GJC1: variants seen among roughly 807,000 people sequenced by gnomAD.
GJC1 encodes gap junction protein gamma 1.
In GJC1, 5 loss-of-function variants were observed where a neutral mutation model predicts 29.3. That is an observed-to-expected ratio of 0.17 (90% CI 0.09 to 0.36). The LOEUF is 0.36. Among genes scored for constraint, GJC1 ranks in the 10% least tolerant of loss-of-function variants. The pLI is 1.00. For synonymous variants in GJC1, 177 were observed against 183.3 expected (o/e 0.97, Z 0.28); for missense variants, 310 against 496.2 (o/e 0.62, Z 3.56).
rs997845649 is a variant in GJC1, at chr17:44,830,236, TGCCGCC to T, written c.-277_-272del. On this transcript the variant is annotated 5_prime_UTR_variant, in exon 1 of 3. Transcript: ENST00000592524. The surrounding 1 kb of genome is among the most constrained non-coding windows in gnomAD (Gnocchi z 4.3). ...CCGAGGCAGAAGCCGCTCCCGCCGCTGCCGCCGCCGCCGCCGCCTCCCGCTCCCGCC... is the reference window on the plus strand; with the variant it reads ...CCGAGGCAGAAGCCGCTCCCGCCGCTGCCGCCGCCGCCTCCCGCTCCCGCC... 8.1e-5 allele frequency: 13 copies of T among 160,608 alleles called. No individual in the cohort carries two copies. Among genetic ancestry groups the T allele is most frequent in the East Asian group, 1.8e-4 (1 of 5,532 alleles). 9.9% of individuals were successfully genotyped at this position (160,608 alleles called of 1,614,324 possible).
downstream of GJC1, chr17:44,794,861 T>TC (rs1230067722): frequency 6.6e-6 from 1 of 152,218 alleles, no homozygotes; most frequent in East Asian, 1.9e-4. Flanking sequence ...AGTCGGCAGT[T>TC]CTTTCCTCCA....
At chr17:44,829,572 G>A (rs1024821790) in intron 1 of GJC1, 1 of 152,178 alleles carries the variant, frequency 6.6e-6, no homozygotes, top group Non-Finnish European at 1.5e-5. Flanking sequence ...CCTCAGACGA[G>A]CCCGCACGCC....
chr17:44,818,581 G>A (rs2050070007), intron 1 of GJC1, among the ~76,000 whole-genome samples: 3 of 148,036 alleles, frequency 2.0e-5, no homozygotes, highest in South Asian at 2.2e-4. Context: ...TGAGGCGGGC[G>A]GATCCCAAGG....
intron 1 of GJC1, among the ~76,000 whole-genome samples, chr17:44,820,744 C>T (rs1212962337): frequency 1.5e-4 from 23 of 152,114 alleles, no homozygotes; most frequent in Admixed American, 1.4e-3. Context: ...CCCCTGAACG[C>T]GACTGCTTTA....
At chr17:44,814,302 G>A (rs1011425506) in intron 1 of GJC1, among the ~76,000 whole-genome samples, 4 of 151,512 alleles carry the variant, frequency 2.6e-5, no homozygotes, top group Admixed American at 6.6e-5. Context: ...CACCACGCCC[G>A]GCTAATTTTT....
intron 1 of GJC1, among the ~76,000 whole-genome samples, chr17:44,816,517 T>C (rs993953117): frequency 1.3e-5 from 2 of 152,154 alleles, no homozygotes; most frequent in Non-Finnish European, 1.5e-5. Flanking sequence ...TTTTTGGTTT[T>C]CTGAGACAGA....
rs1469214146 is a variant in GJC1 at position 44,805,618 on chromosome 17, G to A, written c.200C>T (p.Ala67Val). ...QPGCENVCYD[A>V]FAPLSHVRFW... Reference sequence around the variant, plus strand: ...GCGTACATGGGAGAGAGGTGCAAACGCATCATAACAGACATTCTCACAGCC... The same window carrying A: ...GCGTACATGGGAGAGAGGTGCAAACACATCATAACAGACATTCTCACAGCC... Residue 67 changes from alanine (A) to valine (V), a missense_variant, in exon 3 of 3, where the codon GCG becomes GTG. By Grantham distance (64) the Ala-to-Val change is moderately conservative (BLOSUM62 0). This residue lies in a region of GJC1 where 37 missense variants were observed against 104.2 expected (regional missense o/e 0.35). Transcript: ENST00000592524. This position sits in a 1 kb window ranked among gnomAD's most constrained non-coding sequence, Gnocchi z 5.1. 6.2e-6 allele frequency: 10 copies of A among 1,614,008 alleles called. No individual in the cohort carries two copies. The highest frequency in any genetic ancestry group is 2.7e-5 in the African/African-American group (2 of 74,914).
At position 44,798,510 on chromosome 17, in the gene GJC1, C is replaced by G. The variant is rs1456555030; in HGVS notation, c.*6117G>C. The G allele has an allele frequency of 6.6e-6, 1 of 152,214 alleles. No individual in the cohort carries two copies. The highest frequency in any genetic ancestry group is 1.9e-4 in the East Asian group (1 of 5,200). The allele number at this position is 152,214 out of a possible 1,614,324, so 9.4% of individuals were successfully genotyped here. On this transcript the variant is annotated 3_prime_UTR_variant, in exon 3 of 3. Transcript: ENST00000592524. ...TCCTAGAGACAAGGCCCTGAGCACA[C>G]AGAGTCCGTCTCCACCATGAAAATA...
chr17:44,802,027 A>T lies in GJC1; in HGVS notation c.*2600T>A, dbSNP rs541493330. ...GTTAGAGCTGGAAAATTCTTGACAT[A>T]ATTACAACTTTAGCAAGAGAATAAA... is the stretch of plus-strand genomic sequence containing the variant. On this transcript the variant is annotated 3_prime_UTR_variant, in exon 3 of 3. Transcript: ENST00000592524. The T allele has an allele frequency of 6.6e-6, 1 of 152,204 alleles. No individual in the cohort carries two copies. Among genetic ancestry groups the T allele is most frequent in the African/African-American group, 2.4e-5 (1 of 41,450 alleles). The allele number at this position is 152,204 out of a possible 1,614,324, so 9.4% of individuals were successfully genotyped here.
At chr17:44,827,619 A>G (rs2050190225) in intron 1 of GJC1, among the ~76,000 whole-genome samples, 1 of 151,846 alleles carries the variant, frequency 6.6e-6, no homozygotes, top group African/African-American at 2.4e-5. Flanking sequence ...CAGCCTGGGC[A>G]TCATAGCAAT....
At chr17:44,808,047 G>A (rs986472552) in intron 1 of GJC1, among the ~76,000 whole-genome samples, 2 of 152,150 alleles carry the variant, frequency 1.3e-5, no homozygotes, top group Non-Finnish European at 2.9e-5. Flanking sequence ...CAGCAAAACA[G>A]AAAAGTTTCC....
At chr17:44,807,075 C>G (rs1567708073) in intron 2 of GJC1, among the ~76,000 whole-genome samples, 2 of 152,150 alleles carry the variant, frequency 1.3e-5, no homozygotes, top group Admixed American at 6.5e-5. Flanking sequence ...ATAACAGAAT[C>G]TACAAATTAT....
intron 1 of GJC1, among the ~76,000 whole-genome samples, chr17:44,823,346 G>A (rs2050134498): frequency 6.7e-6 from 1 of 149,994 alleles, no homozygotes; most frequent in Non-Finnish European, 1.5e-5. Flanking sequence ...CCGCCTCCCG[G>A]GTTCAAGTGA....
chr17:44,830,628 C>A (rs1267193719), upstream of GJC1: 10 of 398,568 alleles, frequency 2.5e-5, no homozygotes, highest in Non-Finnish European at 4.0e-5. This position sits in a 1 kb window ranked among gnomAD's most constrained non-coding sequence, Gnocchi z 4.3. Flanking sequence ...GCCGTGGGTT[C>A]TCGCCTTACC....
intron 1 of GJC1, among the ~76,000 whole-genome samples, chr17:44,822,196 CAAAAAAAAAAAAA>C (rs59152296): frequency 6.3e-5 from 3 of 47,558 alleles, no homozygotes; most frequent in African/African-American, 6.9e-5. Context: ...GACTCCGTCT[CAAAAAAAAAAAAA>C]AAAAAAAAAA....
chr17:44,819,450 A>G (rs1891615328), intron 1 of GJC1, among the ~76,000 whole-genome samples: 1 of 152,040 alleles, frequency 6.6e-6, no homozygotes, highest in African/African-American at 2.4e-5. Flanking sequence ...TGAGGTCAGG[A>G]GATCGAGACC....
In GJC1 at chr17:44,800,455, CATTTG is replaced by C. The variant is rs1358882886; in HGVS notation, c.*4167_*4171del. The C allele has an allele frequency of 6.6e-6, 1 of 152,152 alleles. No individual in the cohort carries two copies. The highest frequency in any genetic ancestry group is 6.6e-5 in the Admixed American group (1 of 15,266). 9.4% of individuals were successfully genotyped at this position (152,152 alleles called of 1,614,324 possible). On this transcript the variant is annotated 3_prime_UTR_variant, in exon 3 of 3. Coordinates refer to ENST00000592524, the MANE Select transcript of GJC1 (RefSeq NM_005497.4). ...GCGTTTCTTGAAGTACCTTATTAAA[CATTTG>C]ATTTGAAGGAAACTGTGCATGTCTA...
intron 1 of GJC1, among the ~76,000 whole-genome samples, chr17:44,817,445 T>C (rs1181074447): frequency 2.6e-5 from 4 of 151,318 alleles, no homozygotes. Context: ...GCACGGTGGC[T>C]CATGCCTGTA....
intron 1 of GJC1, among the ~76,000 whole-genome samples, chr17:44,811,746 G>A (rs889384599): frequency 1.3e-5 from 2 of 152,074 alleles, no homozygotes; most frequent in African/African-American, 4.8e-5. Flanking sequence ...GCTCACGCCT[G>A]TAATCCCAGC....
Sources: allele counts gnomAD v4.1 joint callset (sites outside exome capture counted in the v4.1 genomes callset), GRCh38; gene constraint gnomAD v4.1.1; regional missense constraint gnomAD v4.1.1; non-coding constraint Gnocchi (gnomAD v3.1); transcripts MANE v1.5; gene names NCBI Gene and HGNC (gene_info 2026-07-23, HGNC 2026-07-21).